The following SPAG17 variants were observed in gnomAD, a reference collection of about 807,000 sequenced individuals.
The protein encoded by SPAG17 is sperm associated antigen 17.
SPAG17 carries 169 observed loss-of-function variants against 273.6 expected under a neutral mutation model. The ratio of observed to expected loss-of-function variants is 0.62; its 90% CI spans 0.55 to 0.70. SPAG17 has a LOEUF of 0.70. Among genes scored for constraint, SPAG17 ranks in the 30% least tolerant of loss-of-function variants. The probability of loss-of-function intolerance (pLI) is 0.00; values close to 1 mark genes in which losing one functional copy is unlikely to be tolerated. For missense variants in SPAG17, 2,557 were observed against 2,627.8 expected, an observed-to-expected ratio of 0.97 and a Z score of 0.59; for synonymous variants, 825 against 873.2, an observed-to-expected ratio of 0.94 and a Z score of 0.97.
At chr1:118,070,175 A>T (rs749321483) in intron 17 of SPAG17, among the ~76,000 whole-genome samples, 2 of 152,178 alleles carry the variant, frequency 1.3e-5, no homozygotes, top group Non-Finnish European at 2.9e-5. Flanking sequence ...AGATAAAGGC[A>T]CCGGAATTTT....
In SPAG17 at chr1:118,008,201, A is replaced by G. The variant is rs775781612; in HGVS notation, c.4433-3T>C. ...GGTGACAGTCCGAGGACCCTCGGCT[A>G]CAAGCAAATGCAAGGTAAGCAGATC... is the stretch of plus-strand genomic sequence containing the variant. On this transcript the variant is annotated splice_region_variant and splice_polypyrimidine_tract_variant and intron_variant, in intron 30 of 48. Transcript: ENST00000336338. The G allele has an allele frequency of 2.5e-6, 4 of 1,613,594 alleles. No individual in the cohort carries two copies. In the East Asian group the frequency reaches 6.7e-5, roughly 27 times the overall value.
intron 1 of SPAG17, among the ~76,000 whole-genome samples, chr1:118,157,153 G>T (rs12093066): frequency 0.097 from 14,738 of 152,168 alleles, 1,993 homozygotes; most frequent in African/African-American, 0.3. Flanking sequence ...CTTGGAGAAG[G>T]TTACTAAACA....
At chr1:118,071,858 A>C (rs975457251) in intron 17 of SPAG17, among the ~76,000 whole-genome samples, 3 of 152,158 alleles carry the variant, frequency 2.0e-5, no homozygotes, top group Non-Finnish European at 4.4e-5. Flanking sequence ...CCAGAGTAAT[A>C]AGATTTCCAG....
Position 118,040,797 on chromosome 1 carries a change from C to A in SPAG17, c.3099G>T (p.Gly1033=), listed in dbSNP as rs763900038. Residue 1033 remains glycine, a synonymous_variant, in exon 22 of 49, where the codon GGG becomes GGT. Transcript: ENST00000336338. The part of the protein sequence containing the change: ...NMGNIPTQIS[G]SNYYLYPSDG... The stretch of plus-strand genomic sequence containing the variant: ...CAGAAGGATACAGGTAGTAATTTGA[C>A]CCTGAGATTTGAGTGGGTATATTTC... 1.9e-6 allele frequency: 3 copies of A among 1,603,470 alleles called. No individual in the cohort carries two copies. Among genetic ancestry groups the A allele is most frequent in the Non-Finnish European group, 2.6e-6 (3 of 1,170,220 alleles).
At chr1:118,021,536 A>T (rs1262676685) in intron 28 of SPAG17, among the ~76,000 whole-genome samples, 2 of 152,144 alleles carry the variant, frequency 1.3e-5, no homozygotes, top group African/African-American at 4.8e-5. Context: ...CCTAATGTAA[A>T]CTATGGGCTT....
chr1:118,001,312 T>C lies in SPAG17; in HGVS notation c.4776+4102A>G, dbSNP rs190138435. Among the ~76,000 whole-genome samples, 35 of 152,358 alleles carry C rather than the reference T, an allele frequency of 2.3e-4. No homozygotes were observed. In the East Asian group the frequency reaches 5.8e-3, roughly 25 times the overall value. ...TTGTTGTGTCTCTGCCAGGCTTTGA[T>C]GTCAGGATGATGTTGGCCTCATAAA... On this transcript the variant is annotated intron_variant, in intron 32 of 48. Coordinates refer to ENST00000336338, the MANE Select transcript of SPAG17 (RefSeq NM_206996.4).
At chr1:118,055,214 T>A (rs1651527113) in intron 19 of SPAG17, among the ~76,000 whole-genome samples, 1 of 152,062 alleles carries the variant, frequency 6.6e-6, no homozygotes, top group Non-Finnish European at 1.5e-5. Flanking sequence ...TGATCCAATA[T>A]CCTGTCAAGT....
At chr1:118,109,946 C>A (rs1656661939) in intron 4 of SPAG17, among the ~76,000 whole-genome samples, 1 of 152,120 alleles carries the variant, frequency 6.6e-6, no homozygotes, top group South Asian at 2.1e-4. Context: ...AGAGTTGTAT[C>A]TAATACACAG....
intron 3 of SPAG17, among the ~76,000 whole-genome samples, chr1:118,127,991 G>A (rs944103381): frequency 9.2e-5 from 14 of 152,144 alleles, no homozygotes; most frequent in Admixed American, 2.6e-4. Flanking sequence ...GCATGGTGGC[G>A]TATGCCTGTA....
chr1:117,982,219 T>C lies in SPAG17; in HGVS notation c.5873-818A>G, dbSNP rs1655906909. Among the ~76,000 whole-genome samples the C allele has an allele frequency of 1.3e-5, 2 of 151,818 alleles. 1 individual carries two copies. Among genetic ancestry groups the C allele is most frequent in the Non-Finnish European group, 2.9e-5 (2 of 67,952 alleles). On this transcript the variant is annotated intron_variant, in intron 42 of 48. Transcript: ENST00000336338. ...GAACTTCAAGTATCGTATGGTACAG[T>C]AGAAAATTCCTCTATCTGCTTATTT...
rs538218666 is a variant in SPAG17, at chr1:117,991,443, T to A, written c.5447A>T (p.Asn1816Ile). 6.2e-7 allele frequency: 1 copy of A among 1,610,580 alleles called. No individual in the cohort carries two copies. Among genetic ancestry groups the A allele is most frequent in the South Asian group, 1.1e-5 (1 of 90,694 alleles). ...AACCAGCTTGAGGAGATCAGCAGCA[T>A]TGCCTCTCTCCTCCTCAGTTCTGGA... ...KDSRTEEERG[N>I]AADLLKLVMS... The change falls in exon 37 of 49, where the codon AAT (asparagine) becomes ATT (isoleucine). Residue 1816 changes from asparagine to isoleucine, a missense_variant. Transcript: ENST00000336338.
chr1:118,085,579 A>G (rs1167780970), intron 13 of SPAG17, among the ~76,000 whole-genome samples: 2 of 152,100 alleles, frequency 1.3e-5, no homozygotes, highest in Non-Finnish European at 2.9e-5. Context: ...CTTCTCTGTA[A>G]GTAGGATGGG....
chr1:118,082,828 T>G (rs939331189), intron 13 of SPAG17, among the ~76,000 whole-genome samples: 1 of 152,070 alleles, frequency 6.6e-6, no homozygotes, highest in Non-Finnish European at 1.5e-5. Context: ...TATGGATATC[T>G]GGGGGAAAGT....
intron 18 of SPAG17, among the ~76,000 whole-genome samples, chr1:118,060,108 C>T (rs1292660722): frequency 6.6e-6 from 1 of 151,632 alleles, no homozygotes; most frequent in African/African-American, 2.4e-5. Context: ...TGTTTCTTTC[C>T]TACTCTTTTG....
intron 36 of SPAG17, among the ~76,000 whole-genome samples, chr1:117,992,174 T>C (rs1419742075): frequency 6.6e-6 from 1 of 152,152 alleles, no homozygotes; most frequent in Non-Finnish European, 1.5e-5. Flanking sequence ...TTTCCAGTGG[T>C]CACTATATCA....
chr1:117,979,584 T>C (rs1655535165), intron 43 of SPAG17, among the ~76,000 whole-genome samples: 1 of 152,186 alleles, frequency 6.6e-6, no homozygotes, highest in Admixed American at 6.5e-5. Context: ...GAGTGATCTT[T>C]TTAAAATAAA....
chr1:118,052,793 A>G (rs1651210676), intron 20 of SPAG17, among the ~76,000 whole-genome samples: 1 of 152,036 alleles, frequency 6.6e-6, no homozygotes, highest in African/African-American at 2.4e-5. Context: ...CCATGGATAT[A>G]AAAATTCCAA....
At chr1:118,157,886 G>T (rs1027783007) in intron 1 of SPAG17, among the ~76,000 whole-genome samples, 1 of 152,084 alleles carries the variant, frequency 6.6e-6, no homozygotes, top group Admixed American at 6.5e-5. Context: ...ATATTATTTT[G>T]GGGGGCTTCT....
intron 25 of SPAG17, among the ~76,000 whole-genome samples, chr1:118,030,530 C>T (rs954759074): frequency 3.3e-5 from 5 of 151,868 alleles, no homozygotes; most frequent in East Asian, 1.9e-4. Context: ...CCTATCAAGC[C>T]GACATCTATG....
Sources: gnomAD v4.1 joint callset for allele counts (sites outside exome capture counted in the v4.1 genomes callset) on GRCh38, gnomAD v4.1.1 for gene constraint, MANE v1.5 for transcripts, NCBI Gene and HGNC (gene_info 2026-07-23, HGNC 2026-07-21) for gene names.